PMEPA1: variants seen among roughly 807,000 people sequenced by gnomAD.
The protein encoded by PMEPA1 is protein TMEPAI.
Under a neutral mutation model 23.0 loss-of-function variants are expected in PMEPA1, and 11 were observed. The observed-to-expected ratio is 0.48, with a 90% CI of 0.30 to 0.79. The LOEUF is 0.79. Among genes scored for constraint, PMEPA1 ranks in the 30% least tolerant of loss-of-function variants. The probability of loss-of-function intolerance (pLI) is 0.06; values close to 1 mark genes in which losing one functional copy is unlikely to be tolerated. For synonymous variants in PMEPA1, 204 were observed against 166.4 expected (o/e 1.23, Z -1.74); for missense variants, 377 against 390.9 (o/e 0.96, Z 0.30).
In PMEPA1 at chr20:57,709,629, C is replaced by CA. The variant is rs2072140277; in HGVS notation, c.-48_-47insT. 1 of 709,656 alleles carries CA rather than the reference C, an allele frequency of 1.4e-6. No homozygotes were observed. Among genetic ancestry groups the CA allele is most frequent in the South Asian group, 6.4e-5 (1 of 15,532 alleles). The allele number at this position is 709,656 out of a possible 1,614,324, so 44.0% of individuals were successfully genotyped here. A position where few individuals can be genotyped will look rare whatever the true frequency, so the allele number is the denominator to read the frequency against. On this transcript the variant is annotated 5_prime_UTR_variant, in exon 1 of 4. Transcript: ENST00000341744. ...CGGGGCGCGGGGGGCTCGGGGGCGGCCGGGGGGGGCTCCGGCCGGCGCCCG... is the reference window on the plus strand; with the variant it reads ...CGGGGCGCGGGGGGCTCGGGGGCGGCACGGGGGGGGCTCCGGCCGGCGCCCG...
Position 57,709,630 on chromosome 20 carries a change from C to CGG in PMEPA1, c.-50_-49dup. On this transcript the variant is annotated 5_prime_UTR_variant, in exon 1 of 4. Transcript: ENST00000341744. ...GGGGCGCGGGGGGCTCGGGGGCGGC[C>CGG]GGGGGGGGCTCCGGCCGGCGCCCGG... The CGG allele has an allele frequency of 1.2e-5, 2 of 172,416 alleles. No individual in the cohort carries two copies. The highest frequency in any genetic ancestry group is 1.7e-5 in the Non-Finnish European group (2 of 120,604). 10.7% of individuals were successfully genotyped at this position (172,416 alleles called of 1,614,324 possible).
intron 1 of PMEPA1, among the ~76,000 whole-genome samples, chr20:57,699,184 C>T (rs1338684922): frequency 2.0e-5 from 3 of 152,144 alleles, no homozygotes; most frequent in African/African-American, 7.2e-5. Context: ...GTGGGTGTTG[C>T]CCACATCAAG....
intron 1 of PMEPA1, among the ~76,000 whole-genome samples, chr20:57,670,998 T>A (rs1449596919): frequency 6.6e-6 from 1 of 152,138 alleles, no homozygotes; most frequent in Non-Finnish European, 1.5e-5. Flanking sequence ...GCCCTGCGTC[T>A]GAAAGTGCAT....
rs534223618 is a variant in PMEPA1 at position 57,648,817 on chromosome 20, T to C, written c.*3236A>G. 1 of 152,312 alleles carries C rather than the reference T, an allele frequency of 6.6e-6. No individual in the cohort carries two copies. The highest frequency in any genetic ancestry group is 2.4e-5 in the African/African-American group (1 of 41,552). 9.4% of individuals were successfully genotyped at this position (152,312 alleles called of 1,614,324 possible). On this transcript the variant is annotated 3_prime_UTR_variant, in exon 4 of 4. Coordinates refer to ENST00000341744, the MANE Select transcript of PMEPA1 (RefSeq NM_020182.5). The stretch of plus-strand genomic sequence containing the variant: ...GGGATATTTTATGGTTCTGGAAGCT[T>C]CGTGTTGCACATAGGAAAAAAAATT...
At chr20:57,665,572 C>T (rs113291988) in intron 1 of PMEPA1, among the ~76,000 whole-genome samples, 7,729 of 151,460 alleles carry the variant, frequency 0.051, 494 homozygotes, top group African/African-American at 0.15. Context: ...GAGCTCAGAA[C>T]GGGACAGAAC....
chr20:57,708,726 A>G (rs1203681748), intron 1 of PMEPA1, among the ~76,000 whole-genome samples: 1 of 152,104 alleles, frequency 6.6e-6, no homozygotes, highest in Non-Finnish European at 1.5e-5. Context: ...GCTGGGCCAG[A>G]CGGGCCAGAG....
rs555367859 is a variant in PMEPA1 at position 57,655,445 on chromosome 20, G to A, written c.265-2359C>T. Among the ~76,000 whole-genome samples, 5 of 152,326 alleles carry A rather than the reference G, an allele frequency of 3.3e-5. No homozygotes were observed. The highest frequency in any genetic ancestry group is 4.1e-4 in the South Asian group (2 of 4,832). ...TACCGTTTCCCCAGTGCCAGGCGCC[G>A]GCGTGCTATGCAGTCAGGGAGTGCT... On this transcript the variant is annotated intron_variant, in intron 2 of 3. Transcript: ENST00000341744. This position sits in a 1 kb window ranked among gnomAD's most constrained non-coding sequence, Gnocchi z 4.2.
chr20:57,682,729 C>T lies in PMEPA1; in HGVS notation c.110-23032G>A, dbSNP rs551895927. Among the ~76,000 whole-genome samples, 5 of 152,368 alleles carry T rather than the reference C, an allele frequency of 3.3e-5. No homozygotes were observed. The highest frequency in any genetic ancestry group is 1.2e-4 in the African/African-American group (5 of 41,586). On this transcript the variant is annotated intron_variant, in intron 1 of 3. Transcript: ENST00000341744. This position sits in a 1 kb window ranked among gnomAD's most constrained non-coding sequence, Gnocchi z 4.4. ...CCCCATCGCCAGCAGAAACCAACTC[C>T]TCCTGGAGGAAGGAAAGTTCAATGG...
chr20:57,668,535 G>A (rs1163733247), intron 1 of PMEPA1, among the ~76,000 whole-genome samples: 1 of 152,238 alleles, frequency 6.6e-6, no homozygotes, highest in Non-Finnish European at 1.5e-5. Context: ...ATGAGCTGCA[G>A]GCATCCAAAC....
intron 1 of PMEPA1, among the ~76,000 whole-genome samples, chr20:57,661,620 G>A (rs1016513021): frequency 6.6e-6 from 1 of 152,190 alleles, no homozygotes; most frequent in Admixed American, 6.5e-5. Flanking sequence ...GGATCGGGGT[G>A]GGCAGGTGTC....
At chr20:57,677,295 T>C (rs886567294) in intron 1 of PMEPA1, among the ~76,000 whole-genome samples, 2 of 152,198 alleles carry the variant, frequency 1.3e-5, no homozygotes, top group Admixed American at 6.5e-5. Flanking sequence ...ATTGGGTTGT[T>C]TGAGGATCGT....
chr20:57,666,938 A>G (rs1183923601), intron 1 of PMEPA1, among the ~76,000 whole-genome samples: 2 of 152,238 alleles, frequency 1.3e-5, no homozygotes, highest in East Asian at 1.9e-4. Context: ...ATAGTTTCCA[A>G]ACTCCGAAGC....
chr20:57,701,469 TC>T (rs2072010238), intron 1 of PMEPA1, among the ~76,000 whole-genome samples: 1 of 152,292 alleles, frequency 6.6e-6, no homozygotes, highest in East Asian at 1.9e-4. Flanking sequence ...ACTAAAGCCA[TC>T]ACTGTGAAAC....
At position 57,705,357 on chromosome 20, in the gene PMEPA1, T is replaced by A. The variant is rs1301070563; in HGVS notation, c.109+4117A>T. Among the ~76,000 whole-genome samples, 3 of 152,030 alleles carry A rather than the reference T, an allele frequency of 2.0e-5. No individual in the cohort carries two copies. In the East Asian group the frequency reaches 5.8e-4, roughly 29 times the overall value. ...CATAGAACTCAACTCCCTTAATAAC[T>A]CCCCTATTGCACCACAACCTAAAAC... On this transcript the variant is annotated intron_variant, in intron 1 of 3. Transcript: ENST00000341744.
chr20:57,679,798 GA>G (rs922921737), intron 1 of PMEPA1, among the ~76,000 whole-genome samples: 23 of 152,282 alleles, frequency 1.5e-4, no homozygotes, highest in Admixed American at 1.4e-3. Context: ...AAAACCTTGG[GA>G]AAAAACTCAC....
At chr20:57,670,412 G>A (rs1056543202) in intron 1 of PMEPA1, among the ~76,000 whole-genome samples, 2 of 152,090 alleles carry the variant, frequency 1.3e-5, no homozygotes, top group South Asian at 2.1e-4. Flanking sequence ...ACTCATGCCC[G>A]CTGTCTAGAG....
chr20:57,687,049 C>T (rs957643026), intron 1 of PMEPA1, among the ~76,000 whole-genome samples: 1 of 152,280 alleles, frequency 6.6e-6, no homozygotes, highest in African/African-American at 2.4e-5. Flanking sequence ...TTTTAAACGA[C>T]TGTTCCTAAT....
intron 1 of PMEPA1, among the ~76,000 whole-genome samples, chr20:57,664,019 G>A (rs1568967147): frequency 6.6e-6 from 1 of 152,248 alleles, no homozygotes; most frequent in Non-Finnish European, 1.5e-5. Flanking sequence ...TCACACCCAT[G>A]GTGCTGCTTC....
At chr20:57,690,736 A>T (rs1232032847) in intron 1 of PMEPA1, 7 of 360,094 alleles carry the variant, frequency 1.9e-5, no homozygotes, top group Non-Finnish European at 3.3e-5. Flanking sequence ...CGCCCAGCCG[A>T]CCCCCACCTG....
Sources: gnomAD v4.1 joint callset for allele counts (sites outside exome capture counted in the v4.1 genomes callset) on GRCh38, gnomAD v4.1.1 for gene constraint, Gnocchi (gnomAD v3.1) non-coding constraint, MANE v1.5 for transcripts, NCBI Gene and HGNC (gene_info 2026-07-23, HGNC 2026-07-21) for gene names.